The following LPP variants were observed in gnomAD, a reference collection of about 807,000 sequenced individuals.
LPP encodes the protein LIM domain containing preferred translocation partner in lipoma.
In LPP, 38 loss-of-function variants were observed where a neutral mutation model predicts 60.4. The observed-to-expected ratio is 0.63, with a 90% CI of 0.49 to 0.83. The LOEUF is 0.83. LPP is among the 40% of genes least tolerant of loss of function. The probability of loss-of-function intolerance (pLI) is 0.00; values close to 1 mark genes in which losing one functional copy is unlikely to be tolerated. For synonymous variants in LPP, 328 were observed against 290.8 expected, an observed-to-expected ratio of 1.13 and a Z score of -1.30; for missense variants, 902 against 783.6, an observed-to-expected ratio of 1.15 and a Z score of -1.80.
At chr3:188,850,626 T>A (rs554869614) in intron 9 of LPP, among the ~76,000 whole-genome samples, 48 of 152,080 alleles carry the variant, frequency 3.2e-4, no homozygotes, top group African/African-American at 8.4e-4. Context: ...TTATATTTTT[T>A]AAAAAAAGAA....
rs1384955757 is a variant in LPP at position 188,872,748 on chromosome 3, C to G, written c.1695C>G (p.His565Gln). 1 of 1,614,152 alleles carries G rather than the reference C, an allele frequency of 6.2e-7. No homozygotes were observed. ...CTTTGGATCGAGATTTCCATGTTCA[C>G]TGCTACCGATGCGAGGTCTGGTTGA... is the stretch of plus-strand genomic sequence containing the variant. ...IVALDRDFHVHCYRCEDCGGL... is the reference protein window; with the variant it reads ...IVALDRDFHVQCYRCEDCGGL... Residue 565 changes from histidine to glutamine, a missense_variant, in exon 11 of 12, where the codon CAC (histidine) becomes CAG (glutamine). His to Gln is a conservative substitution (Grantham distance 24). Coordinates refer to ENST00000617246, the MANE Select transcript of LPP (RefSeq NM_001375462.1).
intron 6 of LPP, among the ~76,000 whole-genome samples, chr3:188,532,246 AAAAC>A (rs112631541): frequency 7.9e-5 from 12 of 151,796 alleles, no homozygotes; most frequent in Admixed American, 2.0e-4. Context: ...AGCTCTACTA[AAAAC>A]AAACAAACAA....
At chr3:188,640,513 T>TATA (rs147449468) in intron 7 of LPP, among the ~76,000 whole-genome samples, 282 of 141,956 alleles carry the variant, frequency 2.0e-3, no homozygotes, top group Middle Eastern at 7.1e-3. Flanking sequence ...AAACTTAAAG[T>TATA]ATAATAATAA....
At chr3:188,774,648 T>C (rs1430298313) in intron 9 of LPP, among the ~76,000 whole-genome samples, 1 of 152,154 alleles carries the variant, frequency 6.6e-6, no homozygotes, top group African/African-American at 2.4e-5. Context: ...TTCTTATAGA[T>C]TGAGAATGGA....
chr3:188,209,115 T>C (rs770431337), intron 1 of LPP, among the ~76,000 whole-genome samples: 2 of 152,206 alleles, frequency 1.3e-5, no homozygotes, highest in African/African-American at 2.4e-5. Flanking sequence ...ACAGTTAGTA[T>C]GTAGCAGAAT....
At chr3:188,843,429 G>C (rs565232266) in intron 9 of LPP, among the ~76,000 whole-genome samples, 32 of 152,290 alleles carry the variant, frequency 2.1e-4, no homozygotes, top group African/African-American at 7.5e-4. Context: ...TTCTTCATCA[G>C]TAAAATGTTT....
chr3:188,284,913 C>T (rs550384399), intron 2 of LPP, among the ~76,000 whole-genome samples: 8 of 152,192 alleles, frequency 5.3e-5, no homozygotes, highest in South Asian at 2.1e-4. Flanking sequence ...AAGTATGACT[C>T]GAATCATTCC....
At chr3:188,256,759 T>C (rs1252175358) in intron 2 of LPP, among the ~76,000 whole-genome samples, 1 of 152,230 alleles carries the variant, frequency 6.6e-6, no homozygotes, top group Non-Finnish European at 1.5e-5. Flanking sequence ...GTCTCAGCTT[T>C]GGCTTACTAT....
rs749698797 is a variant in LPP, at chr3:188,524,775, T to A, written c.417T>A (p.Pro139=). 9.3e-6 allele frequency: 15 copies of A among 1,613,612 alleles called. No individual in the cohort carries two copies. Among genetic ancestry groups the A allele is most frequent in the Non-Finnish European group, 1.3e-5 (15 of 1,179,858 alleles). The change falls in exon 6 of 12, where the codon CCT becomes CCA. Residue 139 remains proline (P), a synonymous_variant. Coordinates refer to ENST00000617246, the MANE Select transcript of LPP (RefSeq NM_001375462.1). ...ADLECSSPYK[P]RPPQSSTGST... ...TTGAGTGCAGCTCCCCCTATAAGCC[T>A]CGGCCTCCACAGGTTAGTGCAGCCC...
intron 4 of LPP, among the ~76,000 whole-genome samples, chr3:188,461,688 GT>G (rs1798994109): frequency 6.6e-6 from 1 of 152,218 alleles, no homozygotes; most frequent in Middle Eastern, 3.4e-3. Flanking sequence ...TGTGGTTTTC[GT>G]TTTTTGACTC....
At chr3:188,397,774 C>T (rs996174020) in intron 3 of LPP, among the ~76,000 whole-genome samples, 8 of 151,920 alleles carry the variant, frequency 5.3e-5, no homozygotes, top group South Asian at 2.1e-4. Context: ...CCTCTGTGCT[C>T]GGCTAATTTT....
At chr3:188,277,044 T>C (rs1049641610) in intron 2 of LPP, among the ~76,000 whole-genome samples, 13 of 151,634 alleles carry the variant, frequency 8.6e-5, no homozygotes, top group African/African-American at 3.2e-4. Context: ...GCTGGACTTA[T>C]AGGCACGTAC....
chr3:188,577,310 C>T (rs562092693), intron 6 of LPP, among the ~76,000 whole-genome samples: 126 of 152,234 alleles, frequency 8.3e-4, no homozygotes, highest in African/African-American at 2.9e-3. Context: ...ATAAGACATA[C>T]ACCCTAGTTA....
intron 2 of LPP, among the ~76,000 whole-genome samples, chr3:188,331,091 A>G (rs1259130796): frequency 2.0e-5 from 3 of 152,038 alleles, no homozygotes; most frequent in African/African-American, 7.3e-5. Context: ...CCCCTTCAAA[A>G]TGCCTGTTTT....
At chr3:188,497,382 T>TA (rs1249102431) in intron 5 of LPP, among the ~76,000 whole-genome samples, 2 of 152,242 alleles carry the variant, frequency 1.3e-5, no homozygotes, top group African/African-American at 2.4e-5. Flanking sequence ...GGATTTATCT[T>TA]AAAAAATAAA....
intron 2 of LPP, among the ~76,000 whole-genome samples, chr3:188,331,214 C>T (rs564979028): frequency 1.3e-5 from 2 of 152,234 alleles, no homozygotes; most frequent in African/African-American, 4.8e-5. Flanking sequence ...CTTTAGAGAG[C>T]GTTCTTCACA....
chr3:188,629,584 T>C (rs1303335892), intron 7 of LPP, among the ~76,000 whole-genome samples: 1 of 151,994 alleles, frequency 6.6e-6, no homozygotes, highest in Non-Finnish European at 1.5e-5. Context: ...AACAAATATA[T>C]GGAAAATCAT....
At chr3:188,210,493 A>G (rs961677774) in intron 1 of LPP, among the ~76,000 whole-genome samples, 1 of 152,154 alleles carries the variant, frequency 6.6e-6, no homozygotes, top group Non-Finnish European at 1.5e-5. Context: ...TTCACTGGAG[A>G]CCTCAGGAAT....
intron 8 of LPP, among the ~76,000 whole-genome samples, chr3:188,726,804 T>C (rs1388618673): frequency 1.3e-5 from 2 of 152,144 alleles, no homozygotes; most frequent in Admixed American, 1.3e-4. Flanking sequence ...CACATAGATG[T>C]AGGCATAATA....
Sources: allele counts gnomAD v4.1 joint callset (sites outside exome capture counted in the v4.1 genomes callset), GRCh38; gene constraint gnomAD v4.1.1; transcripts MANE v1.5; gene names NCBI Gene and HGNC (gene_info 2026-07-23, HGNC 2026-07-21).